The following PAIP2B variants were observed in gnomAD, a reference collection of about 807,000 sequenced individuals.
PAIP2B encodes the protein polyadenylate-binding protein-interacting protein 2B.
In PAIP2B, 13 loss-of-function variants were observed where a neutral mutation model predicts 17.0. The observed-to-expected ratio is 0.76, with a 90% CI of 0.50 to 1.22. The LOEUF is 1.22. PAIP2B is among the 50% of genes most tolerant of loss of function. The pLI is 0.00. For missense variants in PAIP2B, 117 were observed against 144.5 expected (o/e 0.81, Z 0.98); for synonymous variants, 43 against 48.7 (o/e 0.88, Z 0.48).
intron 1 of PAIP2B, among the ~76,000 whole-genome samples, chr2:71,225,091 T>C (rs999013144): frequency 6.6e-6 from 1 of 152,198 alleles, no homozygotes; most frequent in Non-Finnish European, 1.5e-5. Flanking sequence ...GGTCTCACTA[T>C]GTTGCCCAGG....
chr2:71,191,566 T>C (rs985729254), intron 2 of PAIP2B, among the ~76,000 whole-genome samples: 6 of 152,228 alleles, frequency 3.9e-5, no homozygotes, highest in African/African-American at 1.4e-4. Context: ...TGTTTCCTTC[T>C]TCCCAGAGCA....
At position 71,226,260 on chromosome 2, in the gene PAIP2B, G is replaced by A. The variant is rs1342809482; in HGVS notation, c.-12+668C>T. Among the ~76,000 whole-genome samples the A allele has an allele frequency of 3.3e-5, 5 of 152,164 alleles. 1 individual carries two copies. Among genetic ancestry groups the A allele is most frequent in the Admixed American group, 2.0e-4 (3 of 15,286 alleles). ...TCTGCCTCTCTCAGTTCACCTTCCA[G>A]CTGCCTGGAAGAGGCAAGTGGAAAA... On this transcript the variant is annotated intron_variant, in intron 1 of 3. Coordinates refer to ENST00000244221, the MANE Select transcript of PAIP2B (RefSeq NM_020459.1).
At chr2:71,211,264 A>G (rs1675290268) in intron 1 of PAIP2B, among the ~76,000 whole-genome samples, 1 of 152,062 alleles carries the variant, frequency 6.6e-6, no homozygotes, top group African/African-American at 2.4e-5. Context: ...GTCTCAAAAA[A>G]AAAAAAAGAC....
At position 71,186,250 on chromosome 2, in the gene PAIP2B, CT is replaced by C. The variant is rs1225119656; in HGVS notation, c.*2228del. The C allele has an allele frequency of 6.6e-6, 1 of 152,186 alleles. No individual in the cohort carries two copies. Among genetic ancestry groups the C allele is most frequent in the African/African-American group, 2.4e-5 (1 of 41,440 alleles). 9.4% of individuals were successfully genotyped at this position (152,186 alleles called of 1,614,324 possible). On this transcript the variant is annotated 3_prime_UTR_variant, in exon 4 of 4. Transcript: ENST00000244221. ...TGTGTTGTGAGTGACAATTGTGCCCCTACCTCCCAACATAAATAGATGGCAA... is the reference window on the plus strand; with the variant it reads ...TGTGTTGTGAGTGACAATTGTGCCCCACCTCCCAACATAAATAGATGGCAA...
intron 1 of PAIP2B, among the ~76,000 whole-genome samples, chr2:71,210,372 T>G (rs529894141): frequency 1.5e-4 from 23 of 152,348 alleles, no homozygotes; most frequent in Admixed American, 9.2e-4. Context: ...TTTTGTCCCA[T>G]GTACTTCCAT....
chr2:71,194,446 C>T (rs1304134152), intron 2 of PAIP2B, among the ~76,000 whole-genome samples: 2 of 140,804 alleles, frequency 1.4e-5, no homozygotes, highest in African/African-American at 5.3e-5. Flanking sequence ...CCCTGGTTAG[C>T]TGTATTCCTA....
At chr2:71,189,746 C>T in intron 3 of PAIP2B, 99 bp downstream of exon 3, 1 of 1,204,360 alleles carries the variant, frequency 8.3e-7, no homozygotes, top group South Asian at 1.7e-5. Flanking sequence ...CACAGGGCTC[C>T]AGACTTGTTG....
At chr2:71,204,863 T>C (rs2103790587) in intron 1 of PAIP2B, among the ~76,000 whole-genome samples, 1 of 152,306 alleles carries the variant, frequency 6.6e-6, no homozygotes. Context: ...CAAGATATAC[T>C]GTACTATTAT....
intron 1 of PAIP2B, among the ~76,000 whole-genome samples, chr2:71,209,321 T>G (rs1675227606): frequency 6.6e-6 from 1 of 152,170 alleles, no homozygotes; most frequent in Admixed American, 6.5e-5. Flanking sequence ...AATTCACATT[T>G]AAATGTTCAT....
At chr2:71,224,084 C>G (rs1405967712) in intron 1 of PAIP2B, among the ~76,000 whole-genome samples, 2 of 152,188 alleles carry the variant, frequency 1.3e-5, no homozygotes, top group African/African-American at 2.4e-5. Context: ...GACCCTCAGC[C>G]TTGTCTCAGC....
intron 2 of PAIP2B, among the ~76,000 whole-genome samples, chr2:71,200,352 C>T (rs545481784): frequency 9.9e-5 from 15 of 152,190 alleles, no homozygotes; most frequent in Non-Finnish European, 2.2e-4. Context: ...GAACTGACAT[C>T]AATCATATCC....
Position 71,223,700 on chromosome 2 carries a change from G to T in PAIP2B, c.-12+3228C>A, listed in dbSNP as rs191271855. 2.9e-3 allele frequency among the ~76,000 whole-genome samples: 447 copies of T among 152,222 alleles called. 1 individual carries two copies. The highest frequency in any genetic ancestry group is 7.0e-3 in the Admixed American group (107 of 15,290). On this transcript the variant is annotated intron_variant, in intron 1 of 3. Coordinates refer to ENST00000244221, the MANE Select transcript of PAIP2B (RefSeq NM_020459.1). Reference sequence around the variant, plus strand: ...GATCCACCTGCCTCAGCCTCCCAAAGTGCTGGGATTACAGGCATGAACCAC... The same window carrying T: ...GATCCACCTGCCTCAGCCTCCCAAATTGCTGGGATTACAGGCATGAACCAC...
Position 71,187,899 on chromosome 2 carries a change from T to C in PAIP2B, c.*580A>G, listed in dbSNP as rs1674581861. ...TACTGTAAACTAAGTACTTTAAGTCTGTGTTTTCTTGAATGGGGTTCAGGA... is the reference window on the plus strand; with the variant it reads ...TACTGTAAACTAAGTACTTTAAGTCCGTGTTTTCTTGAATGGGGTTCAGGA... On this transcript the variant is annotated 3_prime_UTR_variant, in exon 4 of 4. Transcript: ENST00000244221. 1 of 153,594 alleles carries C rather than the reference T, an allele frequency of 6.5e-6. No individual in the cohort carries two copies. The highest frequency in any genetic ancestry group is 2.0e-4 in the South Asian group (1 of 4,882). The allele number at this position is 153,594 out of a possible 1,614,324, so 9.5% of individuals were successfully genotyped here. A position where few individuals can be genotyped will look rare whatever the true frequency, so the allele number is the denominator to read the frequency against.
intron 1 of PAIP2B, among the ~76,000 whole-genome samples, chr2:71,214,134 G>T (rs1381050020): frequency 6.6e-6 from 1 of 152,136 alleles, no homozygotes; most frequent in African/African-American, 2.4e-5. Context: ...AGCCATCAGA[G>T]ATTTATTCAA....
At chr2:71,211,280 T>G (rs974489930) in intron 1 of PAIP2B, among the ~76,000 whole-genome samples, 2 of 151,946 alleles carry the variant, frequency 1.3e-5, no homozygotes, top group African/African-American at 4.8e-5. Context: ...AAGACTGCAT[T>G]TAGCAAGTGG....
chr2:71,206,804 T>C (rs1675139566), intron 1 of PAIP2B, among the ~76,000 whole-genome samples: 1 of 152,234 alleles, frequency 6.6e-6, no homozygotes, highest in African/African-American at 2.4e-5. Flanking sequence ...CTGGAAAAAG[T>C]CTACTGAACA....
chr2:71,211,495 T>C lies in PAIP2B; in HGVS notation c.-11-8895A>G, dbSNP rs13004265. Among the ~76,000 whole-genome samples, 754 of 151,792 alleles carry C rather than the reference T, an allele frequency of 5.0e-3. 2 individuals carry two copies. Among genetic ancestry groups the C allele is most frequent in the South Asian group, 0.012 (57 of 4,822 alleles). On this transcript the variant is annotated intron_variant, in intron 1 of 3. Transcript: ENST00000244221. ...AGACTTAAGAACAATTCCTCGAATATAGTGACAACCTCTACCTGGAATAGT... is the reference window on the plus strand; with the variant it reads ...AGACTTAAGAACAATTCCTCGAATACAGTGACAACCTCTACCTGGAATAGT...
chr2:71,203,528 T>G (rs557035903), intron 1 of PAIP2B, among the ~76,000 whole-genome samples: 1 of 152,150 alleles, frequency 6.6e-6, no homozygotes, highest in Admixed American at 6.5e-5. Context: ...TCTAAACCAT[T>G]GCCAATCTCA....
intron 1 of PAIP2B, among the ~76,000 whole-genome samples, chr2:71,211,558 C>T (rs1180064230): frequency 6.6e-6 from 1 of 151,268 alleles, no homozygotes; most frequent in African/African-American, 2.4e-5. Context: ...ACCAACAGTT[C>T]CCAAACTAGT....
Sources: gnomAD v4.1 joint callset for allele counts (sites outside exome capture counted in the v4.1 genomes callset) on GRCh38, gnomAD v4.1.1 for gene constraint, MANE v1.5 for transcripts, NCBI Gene and HGNC (gene_info 2026-07-23, HGNC 2026-07-21) for gene names.